CACNA2D1: variants seen among roughly 807,000 people sequenced by gnomAD.
CACNA2D1 encodes the protein voltage-dependent calcium channel subunit alpha-2/delta-1.
Under a neutral mutation model 171.5 loss-of-function variants are expected in CACNA2D1, and 53 were observed. The ratio of observed to expected loss-of-function variants is 0.31; its 90% confidence interval spans 0.25 to 0.39. CACNA2D1 has a LOEUF of 0.39. Among genes scored for constraint, CACNA2D1 ranks in the 10% least tolerant of loss-of-function variants. CACNA2D1 has a pLI of 1.00. For missense variants in CACNA2D1, 903 were observed against 1,299.8 expected (o/e 0.69, Z 4.69); for synonymous variants, 442 against 443.1 (o/e 1.00, Z 0.03).
intron 6 of CACNA2D1, among the ~76,000 whole-genome samples, chr7:82,085,423 G>A (rs1222744486): frequency 1.3e-5 from 2 of 151,702 alleles, no homozygotes; most frequent in African/African-American, 4.8e-5. Context: ...GTAGTTCTGA[G>A]GAAACCTATG....
intron 12 of CACNA2D1, among the ~76,000 whole-genome samples, chr7:82,016,330 G>A (rs1800442044): frequency 1.3e-5 from 2 of 152,012 alleles, no homozygotes; most frequent in South Asian, 2.1e-4. Flanking sequence ...GAAGCACTGG[G>A]GGATCTCTCT....
chr7:82,114,812 G>C (rs1788855280), intron 6 of CACNA2D1, among the ~76,000 whole-genome samples: 1 of 150,282 alleles, frequency 6.7e-6, no homozygotes, highest in African/African-American at 2.4e-5. Context: ...AGAGAAAGCA[G>C]CTAGTGTTCT....
chr7:82,033,109 A>G (rs1222972164), intron 11 of CACNA2D1: 1 of 473,406 alleles, frequency 2.1e-6, no homozygotes. Context: ...CCATAAGTCT[A>G]TCTCACTTCC....
rs1563065419 is a variant in CACNA2D1 at position 82,111,439 on chromosome 7, T to TATAC, written c.526+5604_526+5605insGTAT. ...GTGTATATATGTGTGTATATATATA[T>TATAC]ATATATTTTTTTTTTTTTTTTTTTT... On this transcript the variant is annotated intron_variant, in intron 6 of 38. Transcript: ENST00000356860. Among the ~76,000 whole-genome samples the TATAC allele has an allele frequency of 1.0e-4, 11 of 105,240 alleles. 1 individual carries two copies. The highest frequency in any genetic ancestry group is 4.2e-4 in the African/African-American group (11 of 25,898). The allele number at this position is 105,240 out of a possible 152,430, so 69.0% of individuals were successfully genotyped here. A position where few individuals can be genotyped will look rare whatever the true frequency, so the allele number is the denominator to read the frequency against.
chr7:81,958,512 AG>A (rs1793708446), intron 38 of CACNA2D1, among the ~76,000 whole-genome samples: 1 of 151,980 alleles, frequency 6.6e-6, no homozygotes, highest in Non-Finnish European at 1.5e-5. Flanking sequence ...ATATTTCTTA[AG>A]AATTTTAAAA....
chr7:82,104,515 AC>A (rs1168271138), intron 6 of CACNA2D1, among the ~76,000 whole-genome samples: 2 of 151,938 alleles, frequency 1.3e-5, no homozygotes, highest in Non-Finnish European at 2.9e-5. Flanking sequence ...TTACTTAAGG[AC>A]TGTTTATTCA....
intron 7 of CACNA2D1, among the ~76,000 whole-genome samples, chr7:82,073,820 C>T (rs1447367474): frequency 1.3e-5 from 2 of 151,896 alleles, no homozygotes; most frequent in Non-Finnish European, 1.5e-5. Flanking sequence ...AGGCTGGTCT[C>T]GAACTCCTGA....
At chr7:82,236,118 C>T (rs1037462917) in intron 3 of CACNA2D1, among the ~76,000 whole-genome samples, 2 of 136,356 alleles carry the variant, frequency 1.5e-5, no homozygotes, top group African/African-American at 2.5e-5. Flanking sequence ...ACTTCCTTGT[C>T]GAGGGAAACC....
intron 3 of CACNA2D1, among the ~76,000 whole-genome samples, chr7:82,333,719 G>A (rs60447715): frequency 6.6e-6 from 1 of 151,584 alleles, no homozygotes; most frequent in African/African-American, 2.4e-5. Context: ...TGGACAACTG[G>A]AGTTTACTAG....
intron 18 of CACNA2D1, among the ~76,000 whole-genome samples, chr7:81,997,998 G>A (rs1054461630): frequency 2.6e-5 from 4 of 151,852 alleles, no homozygotes; most frequent in Admixed American, 2.6e-4. Context: ...TGGGGAATAA[G>A]ATAGATTCTT....
intron 5 of CACNA2D1, among the ~76,000 whole-genome samples, chr7:82,128,868 T>C (rs1012202867): frequency 6.6e-6 from 1 of 152,108 alleles, no homozygotes; most frequent in East Asian, 1.9e-4. Flanking sequence ...GGAGTCTATC[T>C]TGTATTGTCT....
In CACNA2D1 at chr7:82,237,538, T is replaced by G. The variant is rs78322054; in HGVS notation, c.295-66929A>C. Reference sequence around the variant, plus strand: ...CCTTATTCGTTTAAGTACTTCTTATTTTATAATCAAATTATGGGCAATTTA... The same window carrying G: ...CCTTATTCGTTTAAGTACTTCTTATGTTATAATCAAATTATGGGCAATTTA... On this transcript the variant is annotated intron_variant, in intron 3 of 38. Transcript: ENST00000356860. Among the ~76,000 whole-genome samples, 947 of 152,092 alleles carry G rather than the reference T, an allele frequency of 6.2e-3. 12 individuals are homozygous for G. Among genetic ancestry groups the G allele is most frequent in the African/African-American group, 0.022 (905 of 41,542 alleles).
chr7:82,407,658 A>G (rs950700305), intron 1 of CACNA2D1, among the ~76,000 whole-genome samples: 1 of 152,158 alleles, frequency 6.6e-6, no homozygotes, highest in African/African-American at 2.4e-5. Flanking sequence ...TTTAGGTGGG[A>G]GAAAGATAAA....
rs1314106325 is a variant in CACNA2D1, at chr7:82,348,709, C to CA, written c.177+858dup. ...CATTCCAGTTTCTCATATATATTTA[C>CA]ATGATAAAAAGTCATGCTATATATG... On this transcript the variant is annotated intron_variant, in intron 2 of 38. Transcript: ENST00000356860. Among the ~76,000 whole-genome samples the CA allele has an allele frequency of 2.0e-5, 3 of 152,180 alleles. No individual in the cohort carries two copies. The East Asian group carries it at 5.8e-4, about 29-fold the overall frequency.
At chr7:82,050,226 T>G (rs1235731271) in intron 10 of CACNA2D1, 1 of 221,796 alleles carries the variant, frequency 4.5e-6, no homozygotes, top group Non-Finnish European at 9.0e-6. Context: ...TAGTTGGTGT[T>G]AAACAATCAA....
intron 31 of CACNA2D1, 52 bp from the exon 32 acceptor site, chr7:81,965,717 G>T (rs746327082): frequency 9.4e-7 from 1 of 1,068,690 alleles, no homozygotes; most frequent in South Asian, 1.2e-5. Context: ...TTAGGAGGCT[G>T]CATTGTCTTT....
Position 82,342,606 on chromosome 7 carries a change from AGGTAAT to A in CACNA2D1, c.177+6956_177+6961del, listed in dbSNP as rs1446084216. 2.6e-5 allele frequency among the ~76,000 whole-genome samples: 4 copies of A among 152,246 alleles called. No homozygotes were observed. In the East Asian group the frequency reaches 7.7e-4, roughly 29 times the overall value. On this transcript the variant is annotated intron_variant, in intron 2 of 38. Transcript: ENST00000356860. Reference sequence around the variant, plus strand: ...AACAATAGAATAAATACACAAATTAAGGTAATGATCAGTGTGAGGAAGAATATGAGT... The same window carrying A: ...AACAATAGAATAAATACACAAATTAAGATCAGTGTGAGGAAGAATATGAGT...
intron 1 of CACNA2D1, 101 bp downstream of exon 1, chr7:82,443,264 C>G: frequency 8.3e-7 from 1 of 1,200,968 alleles, no homozygotes; most frequent in Non-Finnish European, 1.2e-6. Context: ...TCGCTCCCCA[C>G]CCCCACGGGC....
intron 6 of CACNA2D1, among the ~76,000 whole-genome samples, chr7:82,103,455 C>G (rs1021795191): frequency 6.6e-6 from 1 of 152,096 alleles, no homozygotes; most frequent in Non-Finnish European, 1.5e-5. Context: ...TATTATAACA[C>G]TGTGGTTATG....
Sources: allele counts gnomAD v4.1 joint callset (sites outside exome capture counted in the v4.1 genomes callset), GRCh38; gene constraint gnomAD v4.1.1; transcripts MANE v1.5; gene names NCBI Gene and HGNC (gene_info 2026-07-23, HGNC 2026-07-21).